CADPS: variants seen among roughly 807,000 people sequenced by gnomAD.
CADPS encodes calcium dependent secretion activator.
In CADPS, 57 loss-of-function variants were observed where a neutral mutation model predicts 167.3. The ratio of observed to expected loss-of-function variants is 0.34; its 90% CI spans 0.28 to 0.42. The LOEUF (loss-of-function observed/expected upper bound fraction) is 0.42. CADPS is among the 20% of genes least tolerant of loss of function. The probability of loss-of-function intolerance (pLI) is 1.00; values close to 1 mark genes in which losing one functional copy is unlikely to be tolerated. For synonymous variants in CADPS, 676 were observed against 635.3 expected, an observed-to-expected ratio of 1.06 and a Z score of -0.96; for missense variants, 1,414 against 1,738.1, an observed-to-expected ratio of 0.81 and a Z score of 3.32.
intron 1 of CADPS, among the ~76,000 whole-genome samples, chr3:62,829,696 T>C (rs1467274022): frequency 1.3e-5 from 2 of 152,076 alleles, no homozygotes; most frequent in Non-Finnish European, 2.9e-5. Context: ...GGGCCAAAAA[T>C]AATAAACAGG....
chr3:62,736,600 C>G lies in CADPS; in HGVS notation c.888+16841G>C, dbSNP rs181296139. ...AAAGAAACAAATACTTAGAATAAAC[C>G]TAAGGAAAGTGTTGAGTCATTATAT... On this transcript the variant is annotated intron_variant, in intron 3 of 29. Coordinates refer to ENST00000383710, the MANE Select transcript of CADPS (RefSeq NM_003716.4). 5.3e-5 allele frequency among the ~76,000 whole-genome samples: 8 copies of G among 152,184 alleles called. No homozygotes were observed. The East Asian group carries it at 1.5e-3, about 29-fold the overall frequency.
intron 9 of CADPS, among the ~76,000 whole-genome samples, chr3:62,563,300 C>T (rs2079513045): frequency 6.6e-6 from 1 of 152,176 alleles, no homozygotes; most frequent in Non-Finnish European, 1.5e-5. Flanking sequence ...ATATGTCTTA[C>T]AATTCATTTT....
chr3:62,861,709 T>G (rs2080832818), intron 1 of CADPS, among the ~76,000 whole-genome samples: 1 of 152,202 alleles, frequency 6.6e-6, no homozygotes, highest in South Asian at 2.1e-4. Flanking sequence ...TCAGCAGTTC[T>G]CCATTGCCTA....
chr3:62,532,886 T>C lies in CADPS; in HGVS notation c.2276A>G (p.His759Arg), dbSNP rs772898935. 8 of 1,613,330 alleles carry C rather than the reference T, an allele frequency of 5.0e-6. No homozygotes were observed. The highest frequency in any genetic ancestry group is 5.1e-6 in the Non-Finnish European group (6 of 1,179,702). The change falls in exon 13 of 30, where the codon CAT becomes CGT. Residue 759 changes from histidine (H) to arginine (R), a missense_variant. His to Arg is a conservative substitution (Grantham distance 29). Around this residue, in one of 6 missense-constraint regions of CADPS, gnomAD observed 529 missense variants for 629.6 expected, o/e 0.84. Transcript: ENST00000383710. ...ACACACTTACCTGTTCCCATGGACA[T>C]GGGATGCACAGAAGGCAAAGCTGTA... ...LHYSFAFCASHVHGNRPDGIG... is the reference protein window; with the variant it reads ...LHYSFAFCASRVHGNRPDGIG...
chr3:62,782,055 T>G (rs2091731236), intron 1 of CADPS, among the ~76,000 whole-genome samples: 1 of 152,150 alleles, frequency 6.6e-6, no homozygotes, highest in African/African-American at 2.4e-5. Flanking sequence ...TCCTGAGAGA[T>G]CTGGATTTTT....
At chr3:62,608,037 T>C (rs1241776457) in intron 6 of CADPS, among the ~76,000 whole-genome samples, 1 of 152,130 alleles carries the variant, frequency 6.6e-6, no homozygotes, top group Non-Finnish European at 1.5e-5. Flanking sequence ...TGAAAAGTGA[T>C]GAATCTCAGT....
chr3:62,700,657 G>A (rs2081220762), intron 3 of CADPS, among the ~76,000 whole-genome samples: 1 of 152,042 alleles, frequency 6.6e-6, no homozygotes, highest in Non-Finnish European at 1.5e-5. Context: ...CTCAAGAAAT[G>A]CACTTGCACT....
chr3:62,744,736 C>A (rs1024005287), intron 3 of CADPS, among the ~76,000 whole-genome samples: 2 of 152,164 alleles, frequency 1.3e-5, no homozygotes, highest in Admixed American at 6.5e-5. Flanking sequence ...AATGAGCATA[C>A]TTATGAATCC....
intron 6 of CADPS, among the ~76,000 whole-genome samples, chr3:62,627,452 A>G (rs375039383): frequency 7.2e-5 from 11 of 152,154 alleles, no homozygotes; most frequent in African/African-American, 1.9e-4. Flanking sequence ...TAGAAAGCAA[A>G]TAAGACCTAC....
intron 3 of CADPS, among the ~76,000 whole-genome samples, chr3:62,703,226 C>G (rs2081738051): frequency 6.6e-6 from 1 of 152,132 alleles, no homozygotes; most frequent in South Asian, 2.1e-4. Context: ...TTTGAGAAAT[C>G]TATGAACATT....
At chr3:62,828,014 G>C (rs899236877) in intron 1 of CADPS, among the ~76,000 whole-genome samples, 1 of 152,168 alleles carries the variant, frequency 6.6e-6, no homozygotes. Flanking sequence ...GTCTCAGAAA[G>C]AGAACTTCTG....
intron 6 of CADPS, among the ~76,000 whole-genome samples, chr3:62,634,294 G>A (rs565780223): frequency 3.3e-5 from 5 of 152,116 alleles, no homozygotes; most frequent in African/African-American, 7.2e-5. Context: ...TAAAGATATC[G>A]AGTTGTACTG....
At chr3:62,612,912 G>C (rs141352232) in intron 6 of CADPS, among the ~76,000 whole-genome samples, 12 of 152,332 alleles carry the variant, frequency 7.9e-5, no homozygotes, top group Admixed American at 6.5e-4. Context: ...GAATAAGACA[G>C]AAAATCCTTG....
At chr3:62,413,347 C>A (rs1489244339) in intron 28 of CADPS, among the ~76,000 whole-genome samples, 1 of 152,046 alleles carries the variant, frequency 6.6e-6, no homozygotes, top group Admixed American at 6.6e-5. Flanking sequence ...GCTTTATTCA[C>A]AATAGCTGGA....
chr3:62,521,747 C>T (rs1358822451), intron 13 of CADPS, among the ~76,000 whole-genome samples: 1 of 152,210 alleles, frequency 6.6e-6, no homozygotes, highest in African/African-American at 2.4e-5. Flanking sequence ...CATCCATTGC[C>T]AATTTCTAAC....
intron 8 of CADPS, among the ~76,000 whole-genome samples, chr3:62,582,646 G>A (rs9872498): frequency 0.34 from 51,180 of 151,992 alleles, 10,874 homozygotes; most frequent in African/African-American, 0.6. Context: ...TTTAGGCCAC[G>A]TTGGGTCCGA....
intron 3 of CADPS, among the ~76,000 whole-genome samples, chr3:62,737,487 C>A (rs200145006): frequency 6.7e-6 from 1 of 149,898 alleles, no homozygotes. Flanking sequence ...AAAAAAAAAG[C>A]AAAAAAAAGA....
chr3:62,802,385 T>A (rs931166606), intron 1 of CADPS, among the ~76,000 whole-genome samples: 1 of 152,192 alleles, frequency 6.6e-6, no homozygotes, highest in Non-Finnish European at 1.5e-5. Context: ...CTTACCACTT[T>A]CTTTACCTAA....
At chr3:62,725,302 G>A (rs568194368) in intron 3 of CADPS, among the ~76,000 whole-genome samples, 6 of 152,198 alleles carry the variant, frequency 3.9e-5, no homozygotes, top group Admixed American at 3.3e-4. Flanking sequence ...TTTCTATTTT[G>A]AGTAAATTTT....
Sources: allele counts gnomAD v4.1 joint callset (sites outside exome capture counted in the v4.1 genomes callset), GRCh38; gene constraint gnomAD v4.1.1; regional missense constraint gnomAD v4.1.1; transcripts MANE v1.5; gene names NCBI Gene and HGNC (gene_info 2026-07-23, HGNC 2026-07-21).